Variants in PTPRT observed in about 807,000 individuals in gnomAD.
PTPRT encodes the protein protein tyrosine phosphatase receptor type T.
Under a neutral mutation model 176.8 loss-of-function variants are expected in PTPRT, and 56 were observed. That is an observed-to-expected ratio of 0.32 (90% CI 0.26 to 0.40). The LOEUF (loss-of-function observed/expected upper bound fraction) is 0.40. Ranked by LOEUF, PTPRT falls within the 10% of genes least tolerant of loss-of-function variation. The pLI is 1.00. For synonymous variants in PTPRT, 783 were observed against 739.0 expected (o/e 1.06, Z -0.96); for missense variants, 1,540 against 1,908.2 (o/e 0.81, Z 3.60).
chr20:42,869,382 G>A (rs1379715793), intron 2 of PTPRT, among the ~76,000 whole-genome samples: 6 of 152,128 alleles, frequency 3.9e-5, no homozygotes, highest in African/African-American at 1.2e-4. Context: ...TGGGTCTTTG[G>A]CCCACCCTTG....
At chr20:43,100,926 A>T (rs1484561398) in intron 1 of PTPRT, among the ~76,000 whole-genome samples, 1 of 152,194 alleles carries the variant, frequency 6.6e-6, no homozygotes, top group Non-Finnish European at 1.5e-5. Flanking sequence ...AATAGTAGCT[A>T]AGGTGTTAAA....
intron 17 of PTPRT, among the ~76,000 whole-genome samples, chr20:42,146,932 G>T (rs1600587990): frequency 6.6e-6 from 1 of 152,168 alleles, no homozygotes. Context: ...TTCCACCTGA[G>T]TCCGTCTGAC....
At chr20:42,401,438 C>A (rs1192943149) in intron 9 of PTPRT, among the ~76,000 whole-genome samples, 1 of 152,078 alleles carries the variant, frequency 6.6e-6, no homozygotes, top group Non-Finnish European at 1.5e-5. Context: ...AGCCTTCAAA[C>A]TGCTTCTACC....
intron 11 of PTPRT, among the ~76,000 whole-genome samples, chr20:42,338,314 C>T (rs1170321414): frequency 6.6e-6 from 1 of 152,100 alleles, no homozygotes; most frequent in Non-Finnish European, 1.5e-5. Context: ...ATTACATGTC[C>T]CTGATAGAGA....
intron 7 of PTPRT, among the ~76,000 whole-genome samples, chr20:42,611,067 T>C (rs191989523): frequency 2.0e-5 from 3 of 152,332 alleles, no homozygotes; most frequent in South Asian, 2.1e-4. Flanking sequence ...TATCCGATCA[T>C]CAGCTGATGG....
chr20:43,087,920 T>C (rs1305244056), intron 1 of PTPRT, among the ~76,000 whole-genome samples: 1 of 152,164 alleles, frequency 6.6e-6, no homozygotes, highest in East Asian at 1.9e-4. Flanking sequence ...GCGAGATTCA[T>C]TAAAGGTTAC....
intron 1 of PTPRT, among the ~76,000 whole-genome samples, chr20:43,056,508 C>T (rs1473086513): frequency 6.6e-6 from 1 of 152,166 alleles, no homozygotes; most frequent in Non-Finnish European, 1.5e-5. Flanking sequence ...TTCAAATCAC[C>T]TGAGGGAACA....
At chr20:42,209,914 A>C (rs990048801) in intron 15 of PTPRT, among the ~76,000 whole-genome samples, 15 of 152,176 alleles carry the variant, frequency 9.9e-5, no homozygotes, top group Admixed American at 2.0e-4. Context: ...TACTGGCAAA[A>C]CGAATCCAGC....
At chr20:42,778,038 T>C (rs1466519910) in intron 4 of PTPRT, among the ~76,000 whole-genome samples, 1 of 152,228 alleles carries the variant, frequency 6.6e-6, no homozygotes. Context: ...GCTGGGTAAC[T>C]GGCTTTCAGC....
rs570917079 is a variant in PTPRT at position 42,866,736 on chromosome 20, C to T, written c.214+19071G>A. ...GACCATGGTATCCCTTCCTAGAATACTACATTATTCAAGAGTATTGGTTTG... is the reference window on the plus strand; with the variant it reads ...GACCATGGTATCCCTTCCTAGAATATTACATTATTCAAGAGTATTGGTTTG... On this transcript the variant is annotated intron_variant, in intron 2 of 30. Coordinates refer to ENST00000373187, the MANE Select transcript of PTPRT (RefSeq NM_007050.6). Among the ~76,000 whole-genome samples the T allele has an allele frequency of 1.5e-3, 222 of 152,248 alleles. 3 individuals are homozygous for T. The South Asian group carries it at 0.046, about 31-fold the overall frequency.
chr20:42,052,199 A>G, the PTPRT span, among the ~76,000 whole-genome samples: 1 of 152,190 alleles, frequency 6.6e-6, no homozygotes, highest in Non-Finnish European at 1.5e-5. Context: ...CTATGCAGCA[A>G]GGCACTCTGG....
chr20:42,186,916 G>A (rs73909233), intron 16 of PTPRT, among the ~76,000 whole-genome samples: 5 of 151,846 alleles, frequency 3.3e-5, no homozygotes, highest in African/African-American at 2.4e-5. Flanking sequence ...CGATGTGGGA[G>A]GTGAGAGAGA....
At chr20:42,387,293 A>G (rs1164118436) in intron 9 of PTPRT, among the ~76,000 whole-genome samples, 7 of 152,240 alleles carry the variant, frequency 4.6e-5, no homozygotes, top group South Asian at 4.1e-4. Context: ...AACTTTAACC[A>G]GCCCAGAGAT....
chr20:42,938,392 T>C (rs1980333556), intron 1 of PTPRT, among the ~76,000 whole-genome samples: 1 of 152,152 alleles, frequency 6.6e-6, no homozygotes, highest in Non-Finnish European at 1.5e-5. Flanking sequence ...ATAGCTAGGG[T>C]CTGCACATGG....
Position 42,736,259 on chromosome 20 carries a change from G to C in PTPRT, c.859+20203C>G, listed in dbSNP as rs529464045. Reference sequence around the variant, plus strand: ...AAAATGGTTGATGAAGTAGGGAAAGGTATTCCAAAGGAAAGGAGCAGCATG... The same window carrying C: ...AAAATGGTTGATGAAGTAGGGAAAGCTATTCCAAAGGAAAGGAGCAGCATG... On this transcript the variant is annotated intron_variant, in intron 6 of 30. Coordinates refer to ENST00000373187, the MANE Select transcript of PTPRT (RefSeq NM_007050.6). Among the ~76,000 whole-genome samples the C allele has an allele frequency of 2.0e-5, 3 of 152,202 alleles. No individual in the cohort carries two copies. In the East Asian group the frequency reaches 5.8e-4, roughly 30 times the overall value.
At chr20:42,283,003 G>C (rs1341446779) in intron 12 of PTPRT, among the ~76,000 whole-genome samples, 6 of 152,158 alleles carry the variant, frequency 3.9e-5, no homozygotes, top group Admixed American at 3.9e-4. Flanking sequence ...TATGAAACAT[G>C]TCAAACTCAA....
At chr20:42,477,141 C>T (rs995062036) in intron 7 of PTPRT, among the ~76,000 whole-genome samples, 1 of 152,188 alleles carries the variant, frequency 6.6e-6, no homozygotes, top group Non-Finnish European at 1.5e-5. Flanking sequence ...CCAACACACA[C>T]TTAGCATTTG....
intron 19 of PTPRT, among the ~76,000 whole-genome samples, chr20:42,126,860 C>A (rs1047314043): frequency 2.6e-5 from 4 of 152,166 alleles, no homozygotes; most frequent in Non-Finnish European, 5.9e-5. Context: ...TTGCTCTGGG[C>A]TGGAGAAAAG....
intron 9 of PTPRT, among the ~76,000 whole-genome samples, chr20:42,432,785 A>C (rs2059226769): frequency 6.6e-6 from 1 of 152,194 alleles, no homozygotes; most frequent in African/African-American, 2.4e-5. Flanking sequence ...ATCCACCTAT[A>C]ACATATAAGC....
Sources: gnomAD v4.1 joint callset for allele counts (sites outside exome capture counted in the v4.1 genomes callset) on GRCh38, gnomAD v4.1.1 for gene constraint, MANE v1.5 for transcripts, NCBI Gene and HGNC (gene_info 2026-07-23, HGNC 2026-07-21) for gene names.